The following RBPJ variants were observed in gnomAD, a reference collection of about 807,000 sequenced individuals.
RBPJ encodes recombining binding protein suppressor of hairless.
Under a neutral mutation model 67.8 loss-of-function variants are expected in RBPJ, and 9 were observed. That is an observed-to-expected ratio of 0.13 (90% CI 0.08 to 0.23). The LOEUF (loss-of-function observed/expected upper bound fraction) is 0.23. Ranked by LOEUF, RBPJ falls within the 10% of genes least tolerant of loss-of-function variation. The pLI, the probability that RBPJ is intolerant of heterozygous loss-of-function variation, is 1.00. For synonymous variants in RBPJ, 198 were observed against 203.3 expected (o/e 0.97, Z 0.22); for missense variants, 305 against 595.6 (o/e 0.51, Z 5.08).
intron 1 of RBPJ, among the ~76,000 whole-genome samples, chr4:26,347,274 C>A (rs1028202781): frequency 1.3e-5 from 2 of 152,118 alleles, no homozygotes; most frequent in African/African-American, 4.8e-5. Context: ...GAAATGTGTA[C>A]TTGAAGACTG....
At chr4:26,305,039 T>C (rs2109302545) in intron 1 of RBPJ, among the ~76,000 whole-genome samples, 1 of 152,320 alleles carries the variant, frequency 6.6e-6, no homozygotes, top group East Asian at 1.9e-4. Context: ...ACAGGCCCAA[T>C]GTCATTCTTT....
In RBPJ at chr4:26,430,567, G is replaced by T; in HGVS notation, c.1148+45G>T. On this transcript the variant is annotated intron_variant, in intron 10 of 10. Transcript: ENST00000355476. The surrounding 1 kb of genome is among the most constrained non-coding windows in gnomAD (Gnocchi z 4.1). ...GCATCATCCAGAGGTTGTGAGGGGT[G>T]TGGGTACAGGAGATTCTTTCCTGGC... is the stretch of plus-strand genomic sequence containing the variant. 6.5e-7 allele frequency: 1 copy of T among 1,533,690 alleles called. No homozygotes were observed. The highest frequency in any genetic ancestry group is 1.2e-5 in the South Asian group (1 of 82,866).
At chr4:26,257,720 T>A (rs748337927) in intron 1 of RBPJ, among the ~76,000 whole-genome samples, 3 of 152,210 alleles carry the variant, frequency 2.0e-5, no homozygotes, top group Non-Finnish European at 4.4e-5. Flanking sequence ...TTCTTTTCCA[T>A]CACCAAAATG....
the RBPJ span, among the ~76,000 whole-genome samples, chr4:26,109,708 C>CCTCTCTCTCTCTCTCTCTCTGT: frequency 8.1e-5 from 4 of 49,408 alleles, no homozygotes; most frequent in Admixed American, 2.3e-4. Context: ...TGTCCACCTT[C>CCTCTCTCTCTCTCTCTCTCTGT]CTCTCTCTCT....
intron 2 of RBPJ, among the ~76,000 whole-genome samples, chr4:26,390,641 TAA>T (rs1731404507): frequency 6.6e-6 from 1 of 152,208 alleles, no homozygotes; most frequent in Non-Finnish European, 1.5e-5. Context: ...CACAGTAGTA[TAA>T]AAATATATAT....
intron 1 of RBPJ, among the ~76,000 whole-genome samples, chr4:26,336,915 T>A (rs1041298169): frequency 9.9e-5 from 15 of 152,272 alleles, no homozygotes; most frequent in African/African-American, 3.6e-4. Flanking sequence ...TAAAAAAGCC[T>A]AAATGGTAGC....
intron 1 of RBPJ, among the ~76,000 whole-genome samples, chr4:26,245,753 T>C (rs188224001): frequency 6.6e-6 from 1 of 152,318 alleles, no homozygotes. Flanking sequence ...TTGTGTGACG[T>C]AGGGGTCCAA....
At chr4:26,271,698 T>G (rs1201094102) in intron 1 of RBPJ, among the ~76,000 whole-genome samples, 1 of 152,130 alleles carries the variant, frequency 6.6e-6, no homozygotes, top group Non-Finnish European at 1.5e-5. Context: ...CATACCAAAG[T>G]GTCATTTTGG....
intron 1 of RBPJ, among the ~76,000 whole-genome samples, chr4:26,270,441 A>AAGG (rs1720879173): frequency 2.6e-5 from 3 of 116,306 alleles, no homozygotes; most frequent in East Asian, 2.1e-4. Context: ...AAGAAAGAAG[A>AAGG]AAGAAAGAAA....
intron 1 of RBPJ, among the ~76,000 whole-genome samples, chr4:26,180,787 C>A (rs1330991337): frequency 6.6e-6 from 1 of 152,092 alleles, no homozygotes; most frequent in African/African-American, 2.4e-5. Context: ...ATTGTTTATA[C>A]TATTAATAGT....
intron 1 of RBPJ, among the ~76,000 whole-genome samples, chr4:26,358,943 T>G (rs1329132558): frequency 6.6e-6 from 1 of 152,180 alleles, no homozygotes; most frequent in African/African-American, 2.4e-5. Context: ...TTTATCCCAG[T>G]TTTTCAAAAG....
intron 1 of RBPJ, among the ~76,000 whole-genome samples, chr4:26,308,590 G>T (rs1170511567): frequency 6.6e-6 from 1 of 152,196 alleles, no homozygotes; most frequent in African/African-American, 2.4e-5. Flanking sequence ...TGTTCAAAGG[G>T]ATTATTAGTC....
chr4:26,328,847 G>A (rs1723926168), intron 1 of RBPJ, among the ~76,000 whole-genome samples: 1 of 152,078 alleles, frequency 6.6e-6, no homozygotes, highest in Non-Finnish European at 1.5e-5. Flanking sequence ...AGACAGCCTT[G>A]CTATGTTTTC....
chr4:26,221,306 G>T (rs891433747), intron 1 of RBPJ, among the ~76,000 whole-genome samples: 1 of 152,166 alleles, frequency 6.6e-6, no homozygotes, highest in Non-Finnish European at 1.5e-5. Flanking sequence ...TAGCCAGGAT[G>T]GTCTCCATCT....
At chr4:26,183,720 A>C (rs1717105389) in intron 1 of RBPJ, among the ~76,000 whole-genome samples, 1 of 152,214 alleles carries the variant, frequency 6.6e-6, no homozygotes, top group African/African-American at 2.4e-5. Flanking sequence ...CTGTTAAAGA[A>C]AAAATGTAGC....
intron 1 of RBPJ, among the ~76,000 whole-genome samples, chr4:26,248,524 T>C (rs1181620347): frequency 6.6e-6 from 1 of 152,210 alleles, no homozygotes; most frequent in African/African-American, 2.4e-5. Context: ...TTACCTGTTG[T>C]TGAAGTCAAG....
intron 2 of RBPJ, among the ~76,000 whole-genome samples, chr4:26,395,323 GC>G (rs1486540810): frequency 6.6e-6 from 1 of 152,076 alleles, no homozygotes; most frequent in South Asian, 2.1e-4. Flanking sequence ...GGTATTGCCC[GC>G]CTGTGGTCCT....
chr4:26,303,360 G>A (rs1455328453), intron 1 of RBPJ, among the ~76,000 whole-genome samples: 1 of 145,166 alleles, frequency 6.9e-6, no homozygotes, highest in African/African-American at 2.5e-5. Flanking sequence ...GTAATCCCAG[G>A]AGTCTGAGGC....
chr4:26,238,392 G>A (rs947070895), intron 1 of RBPJ, among the ~76,000 whole-genome samples: 1 of 152,166 alleles, frequency 6.6e-6, no homozygotes, highest in African/African-American at 2.4e-5. Flanking sequence ...TTGAGCCTCA[G>A]CTTTCTTGTC....
Sources: gnomAD v4.1 joint callset for allele counts (sites outside exome capture counted in the v4.1 genomes callset) on GRCh38, gnomAD v4.1.1 for gene constraint, Gnocchi (gnomAD v3.1) non-coding constraint, MANE v1.5 for transcripts, NCBI Gene and HGNC (gene_info 2026-07-23, HGNC 2026-07-21) for gene names.